Variants in CARMIL1 observed in about 807,000 individuals in gnomAD.
CARMIL1 encodes F-actin-uncapping protein LRRC16A.
A neutral mutation model predicts 177.1 loss-of-function variants in CARMIL1; 90 were observed. The ratio of observed to expected loss-of-function variants is 0.51; its 90% CI spans 0.43 to 0.61. CARMIL1 has a LOEUF of 0.61. Among genes scored for constraint, CARMIL1 ranks in the 20% least tolerant of loss-of-function variants. CARMIL1 has a pLI of 0.00. For synonymous variants in CARMIL1, 577 were observed against 606.2 expected (o/e 0.95, Z 0.71); for missense variants, 1,380 against 1,667.0 (o/e 0.83, Z 3.00).
At chr6:25,490,312 G>A (rs1803076428) in intron 13 of CARMIL1, among the ~76,000 whole-genome samples, 1 of 152,230 alleles carries the variant, frequency 6.6e-6, no homozygotes, top group Admixed American at 6.5e-5. Flanking sequence ...AGTCTCTTGA[G>A]ACAATTTTTG....
intron 2 of CARMIL1, among the ~76,000 whole-genome samples, chr6:25,314,395 C>T (rs1290198747): frequency 4.7e-5 from 7 of 148,864 alleles, no homozygotes; most frequent in Middle Eastern, 3.4e-3. Flanking sequence ...ATTGCTTGAA[C>T]CCGGGAGGCA....
chr6:25,279,940 C>T (rs182965362), intron 1 of CARMIL1, 105 bp downstream of exon 1: 367 of 1,328,050 alleles, frequency 2.8e-4, no homozygotes, highest in Non-Finnish European at 3.9e-4. Context: ...AGTCTTGGCG[C>T]CCCTTAGGGC....
intron 2 of CARMIL1, among the ~76,000 whole-genome samples, chr6:25,339,108 G>A (rs1247085399): frequency 6.6e-6 from 1 of 152,164 alleles, no homozygotes; most frequent in Non-Finnish European, 1.5e-5. Flanking sequence ...ACAAACTCAA[G>A]GAGGTGAAAA....
chr6:25,616,186 A>G (rs907392982), intron 36 of CARMIL1, among the ~76,000 whole-genome samples: 2 of 152,212 alleles, frequency 1.3e-5, no homozygotes, highest in African/African-American at 4.8e-5. Flanking sequence ...GATTTTTTTC[A>G]TCCTGTATAA....
chr6:25,296,845 T>C (rs9784815), intron 2 of CARMIL1, among the ~76,000 whole-genome samples: 1,621 of 152,314 alleles, frequency 0.011, 32 homozygotes, highest in African/African-American at 0.037. Context: ...GCAGTTCAGT[T>C]TGGCACTTAG....
rs530825282 is a variant in CARMIL1 at position 25,418,209 on chromosome 6, C to T, written c.139-1905C>T. Among the ~76,000 whole-genome samples the T allele has an allele frequency of 2.0e-5, 3 of 152,216 alleles. No homozygotes were observed. In the East Asian group the frequency reaches 5.8e-4, roughly 29 times the overall value. On this transcript the variant is annotated intron_variant, in intron 2 of 36. Coordinates refer to ENST00000329474, the MANE Select transcript of CARMIL1 (RefSeq NM_017640.6). ...TTTCCCGGGATGCAGGATTCTCAGCCCTGAAACTGGAAACACCTTGTGCAA... is the reference window on the plus strand; with the variant it reads ...TTTCCCGGGATGCAGGATTCTCAGCTCTGAAACTGGAAACACCTTGTGCAA...
intron 12 of CARMIL1, among the ~76,000 whole-genome samples, chr6:25,482,652 C>T (rs1208042608): frequency 6.6e-6 from 1 of 152,160 alleles, no homozygotes; most frequent in Non-Finnish European, 1.5e-5. Context: ...CCAAGATGCA[C>T]CTGGTTGTGT....
In CARMIL1 at chr6:25,523,804, C is replaced by G. The variant is rs909558628; in HGVS notation, c.1968+3467C>G. ...TACAGAGAATCACAGTGAATCATAG[C>G]CAAGATCAGCTTGCCAGGAGCTGAA... On this transcript the variant is annotated intron_variant, in intron 23 of 36. Transcript: ENST00000329474. Among the ~76,000 whole-genome samples, 18 of 152,284 alleles carry G rather than the reference C, an allele frequency of 1.2e-4. No individual in the cohort carries two copies. The East Asian group carries it at 2.9e-3, about 24-fold the overall frequency.
intron 2 of CARMIL1, among the ~76,000 whole-genome samples, chr6:25,315,499 G>A (rs560008267): frequency 2.6e-5 from 4 of 152,284 alleles, no homozygotes; most frequent in South Asian, 4.1e-4. Flanking sequence ...ACTGGGGCCC[G>A]AGCAGGGCAC....
rs536808176 is a variant in CARMIL1, at chr6:25,564,416, G to A, written c.2742+7566G>A. Among the ~76,000 whole-genome samples the A allele has an allele frequency of 9.2e-5, 14 of 152,298 alleles. No individual in the cohort carries two copies. In the East Asian group the frequency reaches 2.5e-3, roughly 27 times the overall value. On this transcript the variant is annotated intron_variant, in intron 29 of 36. Coordinates refer to ENST00000329474, the MANE Select transcript of CARMIL1 (RefSeq NM_017640.6). ...TTACTGAAGAGTGCTTTTGCCTTAT[G>A]TTGTTGATCTTCATTGAGGACCACT...
intron 2 of CARMIL1, chr6:25,350,750 A>G (rs1420516883): frequency 1.3e-5 from 2 of 152,222 alleles, no homozygotes; most frequent in Non-Finnish European, 2.9e-5. Context: ...AAAGTCAGCC[A>G]TCTGATTTTT....
At chr6:25,299,170 CTTTT>C (rs565622591) in intron 2 of CARMIL1, among the ~76,000 whole-genome samples, 4 of 118,068 alleles carry the variant, frequency 3.4e-5, no homozygotes, top group Non-Finnish European at 5.4e-5. Context: ...ATGCTGGATT[CTTTT>C]TTTTTTTTTT....
chr6:25,397,155 A>C (rs1183010658), intron 2 of CARMIL1, among the ~76,000 whole-genome samples: 1 of 152,192 alleles, frequency 6.6e-6, no homozygotes, highest in Non-Finnish European at 1.5e-5. Flanking sequence ...TTTACAGCTA[A>C]GTGCTGCAAA....
intron 29 of CARMIL1, among the ~76,000 whole-genome samples, chr6:25,572,407 A>G (rs1327108192): frequency 2.0e-5 from 3 of 152,174 alleles, no homozygotes; most frequent in South Asian, 2.1e-4. Flanking sequence ...GGAGGTGGAC[A>G]TCATAGCTGG....
At chr6:25,375,910 A>G (rs183869371) in intron 2 of CARMIL1, among the ~76,000 whole-genome samples, 1 of 152,106 alleles carries the variant, frequency 6.6e-6, no homozygotes. Flanking sequence ...CAATTTCTTT[A>G]TGCTGATTTT....
chr6:25,328,084 C>T (rs1785287306), intron 2 of CARMIL1, among the ~76,000 whole-genome samples: 1 of 152,036 alleles, frequency 6.6e-6, no homozygotes, highest in Non-Finnish European at 1.5e-5. Context: ...GTGGTATTTC[C>T]CTCATTAGTA....
At chr6:25,550,042 C>T (rs555363036) in intron 26 of CARMIL1, among the ~76,000 whole-genome samples, 3 of 152,160 alleles carry the variant, frequency 2.0e-5, no homozygotes, top group South Asian at 4.1e-4. Flanking sequence ...TGTCCAGTGT[C>T]ACTCAGCTAG....
chr6:25,588,684 C>T (rs540808633), intron 31 of CARMIL1, among the ~76,000 whole-genome samples: 15 of 152,284 alleles, frequency 9.9e-5, no homozygotes, highest in African/African-American at 3.6e-4. Flanking sequence ...CTATAGGTGA[C>T]AAGTATTCCC....
rs771759479 is a variant in CARMIL1 at position 25,450,395 on chromosome 6, G to T, written c.526G>T (p.Glu176Ter). Residue 176 changes from glutamate to a stop codon, truncating the protein, a stop_gained, in exon 7 of 37, where the codon GAA (glutamate) becomes TAA (stop). Transcript: ENST00000329474. LOFTEE classifies it high-confidence loss of function. ...TGACTGGCTTGGATTTTCATACAGGGAAGAAGTACAATGGGTAAGAATGTC... is the reference window on the plus strand; with the variant it reads ...TGACTGGCTTGGATTTTCATACAGGTAAGAAGTACAATGGGTAAGAATGTC... ...VCDWLGFSYR[E>*]EVQWDVDTIY... The T allele has an allele frequency of 6.2e-7, 1 of 1,613,072 alleles. No homozygotes were observed. The highest frequency in any genetic ancestry group is 1.1e-5 in the South Asian group (1 of 91,024).
Sources: gnomAD v4.1 joint callset for allele counts (sites outside exome capture counted in the v4.1 genomes callset) on GRCh38, gnomAD v4.1.1 for gene constraint, MANE v1.5 for transcripts, NCBI Gene and HGNC (gene_info 2026-07-23, HGNC 2026-07-21) for gene names.